The following SDK2 variants were observed in gnomAD, a reference collection of about 807,000 sequenced individuals.
SDK2 encodes the protein sidekick cell adhesion molecule 2.
Under a neutral mutation model 253.9 loss-of-function variants are expected in SDK2, and 105 were observed. That is an observed-to-expected ratio of 0.41 (90% CI 0.35 to 0.49). The LOEUF is 0.49. SDK2 is among the 20% of genes least tolerant of loss of function. The pLI is 0.06. For synonymous variants in SDK2, 1,249 were observed against 1,234.9 expected, an observed-to-expected ratio of 1.01 and a Z score of -0.24; for missense variants, 2,608 against 3,003.0, an observed-to-expected ratio of 0.87 and a Z score of 3.07.
intron 10 of SDK2, among the ~76,000 whole-genome samples, chr17:73,432,262 A>G (rs567326532): frequency 3.9e-5 from 6 of 151,972 alleles, no homozygotes; most frequent in Non-Finnish European, 8.8e-5. Context: ...CTGGCCAGAG[A>G]AAGAGGGGGA....
chr17:73,359,047 C>A (rs1012703862), intron 39 of SDK2, among the ~76,000 whole-genome samples: 3 of 152,042 alleles, frequency 2.0e-5, no homozygotes, highest in African/African-American at 7.2e-5. Context: ...GAATCCCGAC[C>A]CCACATGCTG....
rs1401620573 is a variant in SDK2, at chr17:73,335,812, G to A, written c.*2775C>T. The A allele has an allele frequency of 6.6e-6, 1 of 152,296 alleles. No individual in the cohort carries two copies. Among genetic ancestry groups the A allele is most frequent in the Non-Finnish European group, 1.5e-5 (1 of 68,068 alleles). 9.4% of individuals were successfully genotyped at this position (152,296 alleles called of 1,614,324 possible). A position where few individuals can be genotyped will look rare whatever the true frequency, so the allele number is the denominator to read the frequency against. ...GAGAGATGGCTTCAGCCATCAGAGG[G>A]AGTTCAGGAGTCTCTTTGCTAACAC... is the stretch of plus-strand genomic sequence containing the variant. On this transcript the variant is annotated 3_prime_UTR_variant, in exon 45 of 45. Coordinates refer to ENST00000392650, the MANE Select transcript of SDK2 (RefSeq NM_001144952.2).
At chr17:73,345,043 G>A (rs8070331) in intron 44 of SDK2, among the ~76,000 whole-genome samples, 2,640 of 152,330 alleles carry the variant, frequency 0.017, 80 homozygotes, top group African/African-American at 0.06. Context: ...ACTTGGCCGG[G>A]TGCGGTGGCT....
In SDK2 at chr17:73,496,371, G is replaced by T. The variant is rs2063841660; in HGVS notation, c.224+11067C>A. Among the ~76,000 whole-genome samples the T allele has an allele frequency of 1.3e-5, 2 of 152,230 alleles. No individual in the cohort carries two copies. On this transcript the variant is annotated intron_variant, in intron 2 of 44. Transcript: ENST00000392650. The surrounding 1 kb of genome is among the most constrained non-coding windows in gnomAD (Gnocchi z 4.7). ...AGGACTGGACATCACAAGGTGGGAT[G>T]CTGGGGCTGGATCTGGGAAGATAAA...
At position 73,361,920 on chromosome 17, in the gene SDK2, C is replaced by T. The variant is rs2062644707; in HGVS notation, c.5306-75G>A. 6.3e-6 allele frequency: 9 copies of T among 1,439,082 alleles called. No individual in the cohort carries two copies. Among genetic ancestry groups the T allele is most frequent in the Middle Eastern group, 1.9e-4 (1 of 5,240 alleles). 89.1% of individuals were successfully genotyped at this position (1,439,082 alleles called of 1,614,324 possible). ...ACTGGAGGCCATGGGGAAGGGGAAG[C>T]GGCCGTGGCCTGGGCCCCGGGACCC... On this transcript the variant is annotated intron_variant, in intron 38 of 44. Transcript: ENST00000392650. This position sits in a 1 kb window ranked among gnomAD's most constrained non-coding sequence, Gnocchi z 4.1.
intron 2 of SDK2, among the ~76,000 whole-genome samples, chr17:73,480,792 C>A (rs1450328026): frequency 2.0e-5 from 3 of 152,100 alleles, no homozygotes; most frequent in African/African-American, 7.2e-5. Context: ...AAAGCCCTCT[C>A]CCCATGTAGG....
chr17:73,426,182 T>C (rs1290161559), intron 12 of SDK2, among the ~76,000 whole-genome samples: 4 of 145,666 alleles, frequency 2.7e-5, no homozygotes, highest in African/African-American at 1.0e-4. Context: ...GTAGCTGGGA[T>C]TACAGGCCTG....
intron 1 of SDK2, among the ~76,000 whole-genome samples, chr17:73,633,074 G>A (rs2046289167): frequency 6.6e-6 from 1 of 151,980 alleles, no homozygotes; most frequent in South Asian, 2.1e-4. Context: ...CATGAGGTAA[G>A]GAATTCAAGA....
rs772519437 is a variant in SDK2 at position 73,401,999 on chromosome 17, G to T, written c.2627C>A (p.Thr876Asn). The change falls in exon 19 of 45, where the codon ACC becomes AAC. Residue 876 changes from threonine to asparagine, a missense_variant. Transcript: ENST00000392650. ...EYFTSVLCFTTPGDGPRSTPQ... is the reference protein window; with the variant it reads ...EYFTSVLCFTNPGDGPRSTPQ... Reference sequence around the variant, plus strand: ...GGTGCTGCGTGGCCCGTCCCCGGGGGTGGTGAAACACAGCACTGAGGTGAA... The same window carrying T: ...GGTGCTGCGTGGCCCGTCCCCGGGGTTGGTGAAACACAGCACTGAGGTGAA... 11 of 1,613,674 alleles carry T rather than the reference G, an allele frequency of 6.8e-6. No homozygotes were observed. The African/African-American group carries it at 1.5e-4, about 22-fold the overall frequency.
chr17:73,506,270 C>T (rs2063935112), intron 2 of SDK2, among the ~76,000 whole-genome samples: 1 of 152,198 alleles, frequency 6.6e-6, no homozygotes, highest in Non-Finnish European at 1.5e-5. Context: ...TCAGGGAGAG[C>T]TTTCTGATCT....
rs1255518469 is a variant in SDK2, at chr17:73,393,715, G to A, written c.3743C>T (p.Pro1248Leu). 3 of 1,587,842 alleles carry A rather than the reference G, an allele frequency of 1.9e-6. No homozygotes were observed. The highest frequency in any genetic ancestry group is 2.6e-6 in the Non-Finnish European group (3 of 1,160,912). Residue 1248 changes from proline (P) to leucine (L), a missense_variant, in exon 27 of 45, where the codon CCC becomes CTC. Pro to Leu is a moderately conservative substitution (Grantham distance 98, BLOSUM62 -3). Around this residue, in one of 2 missense-constraint regions of SDK2, gnomAD observed 1,505 missense variants for 1,859.1 expected, o/e 0.81. Transcript: ENST00000392650. ...GTTGCCTTCCACCAGCCAGAATCGG[G>A]GCTGGGTGTCCGAGTCCTTCTCCTT... The part of the protein sequence containing the change: ...MYKEKDSDTQ[P>L]RFWLVEGNSS...
At chr17:73,500,122 C>CTCCATCCTCCA (rs556135969) in intron 2 of SDK2, among the ~76,000 whole-genome samples, 1 of 148,624 alleles carries the variant, frequency 6.7e-6, no homozygotes, top group Non-Finnish European at 1.5e-5. Flanking sequence ...CTCCATTCTC[C>CTCCATCCTCCA]TCCATCCTCC....
At chr17:73,430,753 C>A (rs535370054) in intron 11 of SDK2, 140 bp from the exon 12 acceptor site, 3 of 565,352 alleles carry the variant, frequency 5.3e-6, no homozygotes, top group Non-Finnish European at 8.7e-6. Context: ...TTGGAAGCCA[C>A]GTCATAGTTG....
chr17:73,471,175 T>A (rs1464808174), intron 3 of SDK2, among the ~76,000 whole-genome samples: 1 of 152,164 alleles, frequency 6.6e-6, no homozygotes, highest in East Asian at 1.9e-4. Flanking sequence ...GGAACCCTGA[T>A]TCATTCCTCA....
At chr17:73,424,125 G>A (rs778555388) in intron 12 of SDK2, 33 bp from the exon 13 acceptor site, 98 of 1,580,470 alleles carry the variant, frequency 6.2e-5, no homozygotes, top group Middle Eastern at 1.7e-4. Context: ...AGTACAGAGG[G>A]AGAGGAAGGT....
chr17:73,394,938 C>G (rs1262150076), intron 25 of SDK2, among the ~76,000 whole-genome samples: 3 of 152,176 alleles, frequency 2.0e-5, no homozygotes, highest in Admixed American at 6.5e-5. Flanking sequence ...ACCCCCGCCC[C>G]CCTTGGGAAT....
intron 12 of SDK2, among the ~76,000 whole-genome samples, chr17:73,425,327 A>G (rs2063272279): frequency 6.6e-6 from 1 of 152,178 alleles, no homozygotes; most frequent in African/African-American, 2.4e-5. Flanking sequence ...AGAAAACTCA[A>G]AAGTTTTCTG....
chr17:73,390,929 C>T (rs1599515589), intron 28 of SDK2, among the ~76,000 whole-genome samples: 1 of 152,174 alleles, frequency 6.6e-6, no homozygotes, highest in African/African-American at 2.4e-5. Flanking sequence ...TACAGGTAGT[C>T]CAAGCCCCCA....
intron 3 of SDK2, among the ~76,000 whole-genome samples, chr17:73,460,454 A>G (rs1349864311): frequency 1.3e-5 from 2 of 152,222 alleles, no homozygotes; most frequent in Non-Finnish European, 2.9e-5. Flanking sequence ...AACATGATAA[A>G]TGATTGCAGT....
Sources: gnomAD v4.1 joint callset for allele counts (sites outside exome capture counted in the v4.1 genomes callset) on GRCh38, gnomAD v4.1.1 for gene constraint, gnomAD v4.1.1 regional missense constraint, Gnocchi (gnomAD v3.1) non-coding constraint, MANE v1.5 for transcripts, NCBI Gene and HGNC (gene_info 2026-07-23, HGNC 2026-07-21) for gene names.